The following PCDHAC2 variants were observed in gnomAD, a reference collection of about 807,000 sequenced individuals.
PCDHAC2 encodes the protein protocadherin alpha-C2.
Under a neutral mutation model 63.3 loss-of-function variants are expected in PCDHAC2, and 24 were observed. The observed-to-expected ratio is 0.38, with a 90% CI of 0.27 to 0.53. The LOEUF (loss-of-function observed/expected upper bound fraction) is 0.53, where lower values mean the gene tolerates loss of function less well. PCDHAC2 is among the 20% of genes least tolerant of loss of function. The pLI, the probability that PCDHAC2 is intolerant of heterozygous loss-of-function variation, is 0.81. For missense variants in PCDHAC2, 1,181 were observed against 1,275.2 expected (o/e 0.93, Z 1.12); for synonymous variants, 569 against 529.4 (o/e 1.07, Z -1.03).
rs565071573 is a variant in PCDHAC2, at chr5:141,009,664, G to A, written c.2751G>A (p.Ala917=). The A allele has an allele frequency of 2.2e-5, 36 of 1,613,862 alleles. No individual in the cohort carries two copies. The highest frequency in any genetic ancestry group is 5.0e-5 in the Admixed American group (3 of 59,974). The stretch of plus-strand genomic sequence containing the variant: ...GAGAAGTGTCCCCTCCAGTCGGTGC[G>A]GGTGTCAACAGCAACAGCTGGACCT... The part of the protein sequence containing the change: ...EAGEVSPPVG[A]GVNSNSWTFK... Residue 917 remains alanine (A), a synonymous_variant, in exon 4 of 4, where the codon GCG becomes GCA. Transcript: ENST00000289269.
In PCDHAC2 at chr5:140,969,222, C is replaced by T. The variant is rs782010447; in HGVS notation, c.2456C>T (p.Pro819Leu). The T allele has an allele frequency of 6.2e-7, 1 of 1,614,154 alleles. No individual in the cohort carries two copies. The highest frequency in any genetic ancestry group is 8.5e-7 in the Non-Finnish European group (1 of 1,180,036). Residue 819 changes from proline (P) to leucine (L), a missense_variant, in exon 1 of 4, where the codon CCT (proline) becomes CTT (leucine). By Grantham distance (98) the Pro-to-Leu change is moderately conservative. Transcript: ENST00000289269. ...ACAGGGGCCCAGACAGGACCAGGGC[C>T]TTCGGGAGCCCAAGCAGCAGTGACT... The part of the protein sequence containing the change: ...YNTGAQTGPG[P>L]SGAQAAVTDS...
intron 1 of PCDHAC2, among the ~76,000 whole-genome samples, chr5:140,976,855 G>A (rs946538789): frequency 9.9e-5 from 15 of 152,142 alleles, no homozygotes; most frequent in Non-Finnish European, 1.5e-4. Flanking sequence ...CTTTCATAGA[G>A]TTTACTGTCT....
chr5:140,999,687 A>G (rs1554256930), intron 3 of PCDHAC2, among the ~76,000 whole-genome samples: 2 of 152,044 alleles, frequency 1.3e-5, no homozygotes, highest in Non-Finnish European at 2.9e-5. Flanking sequence ...AGAAAGAAGA[A>G]ATGTGATTTT....
chr5:140,966,925 A>T lies in PCDHAC2; in HGVS notation c.159A>T (p.Ala53=). 8 of 1,603,462 alleles carry T rather than the reference A, an allele frequency of 5.0e-6. No homozygotes were observed. Among genetic ancestry groups the T allele is most frequent in the African/African-American group, 1.3e-5 (1 of 74,962 alleles). ...GATACTCTGTGCCAGAGGAGCAGGC[A>T]CCCGGCGCGCTCGTGGGCAACGTGG... ...QLRYSVPEEQ[A]PGALVGNVAR... is the part of the protein sequence containing the mutation. Residue 53 remains alanine, a synonymous_variant, in exon 1 of 4, where the codon GCA becomes GCT. Coordinates refer to ENST00000289269, the MANE Select transcript of PCDHAC2 (RefSeq NM_018899.6).
intron 1 of PCDHAC2, 81 bp from the exon 2 acceptor site, chr5:140,978,868 G>A: frequency 6.2e-7 from 1 of 1,606,078 alleles, no homozygotes; most frequent in Non-Finnish European, 8.5e-7. Context: ...ATATTTAAGG[G>A]AGTAACTAAT....
At chr5:140,969,410 T>C (rs528910445) in intron 1 of PCDHAC2, 79 bp downstream of exon 1, 12 of 1,572,752 alleles carry the variant, frequency 7.6e-6, no homozygotes, top group South Asian at 1.2e-5. Flanking sequence ...TTTGGCTTTA[T>C]TGAGTCATTA....
chr5:140,990,189 A>C (rs2097379694), intron 3 of PCDHAC2, among the ~76,000 whole-genome samples: 1 of 152,218 alleles, frequency 6.6e-6, no homozygotes, highest in Non-Finnish European at 1.5e-5. Flanking sequence ...TAAGAACCAA[A>C]TGTGGACCCG....
At chr5:141,005,930 G>C (rs1179599253) in intron 3 of PCDHAC2, among the ~76,000 whole-genome samples, 1 of 151,958 alleles carries the variant, frequency 6.6e-6, no homozygotes, top group African/African-American at 2.4e-5. Context: ...CTGGTTGACA[G>C]AGTGAGAACC....
intron 1 of PCDHAC2, 52 bp downstream of exon 1, chr5:140,969,383 C>G: frequency 6.3e-7 from 1 of 1,597,986 alleles, no homozygotes; most frequent in Non-Finnish European, 8.5e-7. Context: ...TGTTACACAT[C>G]CCCCAATATC....
intron 3 of PCDHAC2, among the ~76,000 whole-genome samples, chr5:141,006,304 C>T (rs528368169): frequency 7.9e-5 from 12 of 152,036 alleles, no homozygotes; most frequent in African/African-American, 2.7e-4. Context: ...CTCCACTTCC[C>T]GGGTTCATGC....
At position 140,983,206 on chromosome 5, in the gene PCDHAC2, C is replaced by G. The variant is rs184479967; in HGVS notation, c.2713+643C>G. 1.8e-3 allele frequency among the ~76,000 whole-genome samples: 271 copies of G among 152,316 alleles called. 2 individuals are homozygous for G. Among genetic ancestry groups the G allele is most frequent in the South Asian group, 2.5e-3 (12 of 4,822 alleles). On this transcript the variant is annotated intron_variant, in intron 3 of 3. Transcript: ENST00000289269. ...TCTTAGTTTAGAGGGATAATAGGGA[C>G]TATTTCCTAATCCAAACTTTCAGGA...
intron 3 of PCDHAC2, among the ~76,000 whole-genome samples, chr5:140,994,595 C>CT (rs1554254262): frequency 6.6e-6 from 1 of 151,984 alleles, no homozygotes; most frequent in East Asian, 1.9e-4. Context: ...GTCTCAGCTA[C>CT]TTGGGAGGCT....
chr5:140,986,247 G>A (rs758689038), intron 3 of PCDHAC2, among the ~76,000 whole-genome samples: 1 of 152,012 alleles, frequency 6.6e-6, no homozygotes, highest in Non-Finnish European at 1.5e-5. Context: ...GAGCAGACCC[G>A]GACCACAGGC....
intron 3 of PCDHAC2, among the ~76,000 whole-genome samples, chr5:141,005,783 C>T (rs79683532): frequency 0.097 from 14,322 of 148,270 alleles, 898 homozygotes; most frequent in African/African-American, 0.18. Context: ...TGTAAAGATC[C>T]TGAGGCAAAA....
chr5:140,978,642 C>T (rs140934683), intron 1 of PCDHAC2, among the ~76,000 whole-genome samples: 126 of 152,354 alleles, frequency 8.3e-4, no homozygotes, highest in African/African-American at 2.8e-3. Context: ...TCAAAGCAGA[C>T]TGTTCTTCCC....
chr5:141,004,092 C>T (rs1245515449), intron 3 of PCDHAC2, among the ~76,000 whole-genome samples: 1 of 152,198 alleles, frequency 6.6e-6, no homozygotes, highest in Non-Finnish European at 1.5e-5. Context: ...TGTGCTTCTT[C>T]CGTTTTCATC....
chr5:140,990,834 A>G (rs1554251782), intron 3 of PCDHAC2, among the ~76,000 whole-genome samples: 1 of 152,234 alleles, frequency 6.6e-6, no homozygotes, highest in East Asian at 1.9e-4. Flanking sequence ...AAAGCCTATT[A>G]GCAAAAATAG....
rs1368766918 is a variant in PCDHAC2 at position 141,010,867 on chromosome 5, A to G, written c.*930A>G. 4.6e-5 allele frequency: 7 copies of G among 153,798 alleles called. No homozygotes were observed. The highest frequency in any genetic ancestry group is 3.3e-4 in the Admixed American group (5 of 15,292). 9.5% of individuals were successfully genotyped at this position (153,798 alleles called of 1,614,324 possible). A position where few individuals can be genotyped will look rare whatever the true frequency, so the allele number is the denominator to read the frequency against. On this transcript the variant is annotated 3_prime_UTR_variant, in exon 4 of 4. Coordinates refer to ENST00000289269, the MANE Select transcript of PCDHAC2 (RefSeq NM_018899.6). Reference sequence around the variant, plus strand: ...TTAAAAAAAGAGAAAGTCTATAGCTATAAATCTTTAAAGAGAAATATGAAT... The same window carrying G: ...TTAAAAAAAGAGAAAGTCTATAGCTGTAAATCTTTAAAGAGAAATATGAAT...
In PCDHAC2 at chr5:140,968,789, G is replaced by A. The variant is rs782339889; in HGVS notation, c.2023G>A (p.Ala675Thr). 16 of 1,614,060 alleles carry A rather than the reference G, an allele frequency of 9.9e-6. No individual in the cohort carries two copies. In the African/African-American group the frequency reaches 1.7e-4, roughly 18 times the overall value. The change falls in exon 1 of 4, where the codon GCC becomes ACC. Residue 675 changes from alanine to threonine, a missense_variant. Around this residue, in one of 3 missense-constraint regions of PCDHAC2, gnomAD observed 968 missense variants for 1,073.5 expected, o/e 0.90. Transcript: ENST00000289269. The stretch of plus-strand genomic sequence containing the variant: ...AGAGCCATCACTATCAGCCTCTGTG[G>A]CCATTACAGTAGCTGTGGTGGATAG... Reference protein sequence around the residue: ...NGEPSLSASVAITVAVVDRVS... With the variant: ...NGEPSLSASVTITVAVVDRVS...
Sources: gnomAD v4.1 joint callset for allele counts (sites outside exome capture counted in the v4.1 genomes callset) on GRCh38, gnomAD v4.1.1 for gene constraint, gnomAD v4.1.1 regional missense constraint, MANE v1.5 for transcripts, NCBI Gene and HGNC (gene_info 2026-07-23, HGNC 2026-07-21) for gene names.